The following KCNH7 variants were observed in gnomAD, a reference collection of about 807,000 sequenced individuals.
KCNH7 encodes the protein voltage-gated inwardly rectifying potassium channel KCNH7.
A neutral mutation model predicts 120.8 loss-of-function variants in KCNH7; 49 were observed. That is an observed-to-expected ratio of 0.41 (90% CI 0.32 to 0.51). The LOEUF (loss-of-function observed/expected upper bound fraction) is 0.51, where lower values mean the gene tolerates loss of function less well. KCNH7 is among the 20% of genes least tolerant of loss of function. KCNH7 has a pLI of 0.38. For synonymous variants in KCNH7, 547 were observed against 516.1 expected (o/e 1.06, Z -0.81); for missense variants, 1,097 against 1,446.6 (o/e 0.76, Z 3.92).
At chr2:162,378,198 C>G (rs1212674769) in intron 14 of KCNH7, among the ~76,000 whole-genome samples, 1 of 152,140 alleles carries the variant, frequency 6.6e-6, no homozygotes, top group East Asian at 1.9e-4. Context: ...ATATGTAGTT[C>G]CCATTTACAT....
At chr2:162,780,218 T>C (rs978062563) in intron 2 of KCNH7, among the ~76,000 whole-genome samples, 2 of 152,200 alleles carry the variant, frequency 1.3e-5, no homozygotes, top group Non-Finnish European at 2.9e-5. Flanking sequence ...ACAAAAAAAC[T>C]GTAGCCTATT....
intron 2 of KCNH7, among the ~76,000 whole-genome samples, chr2:162,586,647 T>A (rs1424834071): frequency 2.6e-5 from 4 of 151,340 alleles, no homozygotes; most frequent in Admixed American, 6.6e-5. Flanking sequence ...ACTGATATAA[T>A]GATAACGGTT....
At chr2:162,439,833 A>AT (rs985316406) in intron 7 of KCNH7, among the ~76,000 whole-genome samples, 2 of 150,888 alleles carry the variant, frequency 1.3e-5, no homozygotes, top group Admixed American at 6.6e-5. Context: ...CTATTTAAAA[A>AT]ATATATATAT....
chr2:162,485,828 A>G (rs999051532), intron 6 of KCNH7, among the ~76,000 whole-genome samples: 1 of 152,214 alleles, frequency 6.6e-6, no homozygotes, highest in Non-Finnish European at 1.5e-5. Flanking sequence ...ACAGGATGGT[A>G]CAGCTCAACT....
At chr2:162,606,278 G>A (rs1003723326) in intron 2 of KCNH7, among the ~76,000 whole-genome samples, 4 of 152,012 alleles carry the variant, frequency 2.6e-5, no homozygotes, top group African/African-American at 9.7e-5. Flanking sequence ...AAGAGTATAA[G>A]TAAGTGAAAG....
chr2:162,776,600 G>C (rs778327577), intron 2 of KCNH7, among the ~76,000 whole-genome samples: 117 of 151,990 alleles, frequency 7.7e-4, no homozygotes, highest in Non-Finnish European at 1.5e-3. Flanking sequence ...ATTGGGAGAG[G>C]GAAGAGAGGA....
At chr2:162,423,312 A>G in intron 9 of KCNH7, 24 bp downstream of exon 9, 1 of 1,613,972 alleles carries the variant, frequency 6.2e-7, no homozygotes. Context: ...CGGCACTTTC[A>G]TTTTGGAAAA....
intron 2 of KCNH7, among the ~76,000 whole-genome samples, chr2:162,751,175 C>T (rs1373529814): frequency 3.9e-5 from 6 of 151,974 alleles, no homozygotes; most frequent in African/African-American, 1.5e-4. Context: ...TTAACCTTTC[C>T]CTTAAGAGGA....
intron 2 of KCNH7, among the ~76,000 whole-genome samples, chr2:162,774,588 T>A (rs1683169204): frequency 6.6e-6 from 1 of 152,206 alleles, no homozygotes; most frequent in Non-Finnish European, 1.5e-5. Context: ...CAAGATGAAC[T>A]GGCATGTGGA....
chr2:162,557,461 C>G (rs756768846), intron 2 of KCNH7, among the ~76,000 whole-genome samples: 19 of 152,122 alleles, frequency 1.2e-4, no homozygotes, highest in Non-Finnish European at 2.6e-4. Context: ...CACTCATATT[C>G]AAGGACACAG....
intron 2 of KCNH7, among the ~76,000 whole-genome samples, chr2:162,739,388 C>T (rs563855508): frequency 6.6e-6 from 1 of 152,252 alleles, no homozygotes; most frequent in East Asian, 1.9e-4. Context: ...TTAGATACCT[C>T]ATCTGACACA....
intron 2 of KCNH7, among the ~76,000 whole-genome samples, chr2:162,610,879 A>G (rs1362155876): frequency 6.6e-6 from 1 of 152,230 alleles, no homozygotes; most frequent in Non-Finnish European, 1.5e-5. Context: ...GTTCTGTAAG[A>G]CAATAAATGT....
chr2:162,770,734 T>G (rs1052421785), intron 2 of KCNH7, among the ~76,000 whole-genome samples: 1 of 152,158 alleles, frequency 6.6e-6, no homozygotes, highest in African/African-American at 2.4e-5. Context: ...TTGTGTATTA[T>G]CAATATGTTG....
intron 2 of KCNH7, among the ~76,000 whole-genome samples, chr2:162,654,762 A>G (rs1355912679): frequency 6.6e-6 from 1 of 152,190 alleles, no homozygotes; most frequent in African/African-American, 2.4e-5. Context: ...GGGTAAAGAG[A>G]ATGTGGTATA....
intron 2 of KCNH7, among the ~76,000 whole-genome samples, chr2:162,604,366 T>A (rs569056196): frequency 9.2e-5 from 14 of 152,138 alleles, no homozygotes; most frequent in South Asian, 2.1e-4. Flanking sequence ...TTAAAAAAAA[T>A]TTAATAATTT....
chr2:162,441,018 G>A (rs1055256467), intron 7 of KCNH7, among the ~76,000 whole-genome samples: 1 of 152,006 alleles, frequency 6.6e-6, no homozygotes, highest in Non-Finnish European at 1.5e-5. Context: ...ACGAACAAAT[G>A]ATCAACTAAA....
intron 2 of KCNH7, among the ~76,000 whole-genome samples, chr2:162,562,172 C>T (rs1206805621): frequency 3.9e-5 from 6 of 152,098 alleles, no homozygotes; most frequent in African/African-American, 1.4e-4. Flanking sequence ...AACAAACCTG[C>T]ATGTTCTGCA....
At chr2:162,442,275 C>G (rs1388062347) in intron 7 of KCNH7, among the ~76,000 whole-genome samples, 2 of 151,668 alleles carry the variant, frequency 1.3e-5, no homozygotes, top group African/African-American at 4.8e-5. Context: ...ATCCGCCAGT[C>G]TTGGCCTCCC....
chr2:162,795,565 C>T (rs2105528796), intron 2 of KCNH7: 1 of 152,068 alleles, frequency 6.6e-6, no homozygotes, highest in Non-Finnish European at 1.5e-5. Flanking sequence ...ATCTATAGTT[C>T]CAATCCTGTG....
Sources: gnomAD v4.1 joint callset for allele counts (sites outside exome capture counted in the v4.1 genomes callset) on GRCh38, gnomAD v4.1.1 for gene constraint, MANE v1.5 for transcripts, NCBI Gene and HGNC (gene_info 2026-07-23, HGNC 2026-07-21) for gene names.